The following LSAMP variants were observed in gnomAD, a reference collection of about 807,000 sequenced individuals.
LSAMP encodes limbic system-associated membrane protein.
A neutral mutation model predicts 38.6 loss-of-function variants in LSAMP; 7 were observed. The ratio of observed to expected loss-of-function variants is 0.18; its 90% CI spans 0.10 to 0.34. LSAMP has a LOEUF of 0.34. Ranked by LOEUF, LSAMP falls within the 10% of genes least tolerant of loss-of-function variation. The probability of loss-of-function intolerance (pLI) is 1.00; values close to 1 mark genes in which losing one functional copy is unlikely to be tolerated. For synonymous variants in LSAMP, 154 were observed against 166.8 expected (o/e 0.92, Z 0.59); for missense variants, 313 against 420.0 (o/e 0.75, Z 2.23).
chr3:115,889,160 G>A (rs1379393385), intron 3 of LSAMP, among the ~76,000 whole-genome samples: 3 of 151,978 alleles, frequency 2.0e-5, no homozygotes, highest in Non-Finnish European at 1.5e-5. Flanking sequence ...GGAATGGAAA[G>A]GTGAGCCTGA....
intron 3 of LSAMP, among the ~76,000 whole-genome samples, chr3:115,966,934 G>A (rs1938835666): frequency 6.6e-6 from 1 of 152,158 alleles, no homozygotes; most frequent in African/African-American, 2.4e-5. Flanking sequence ...CATCCTGAAG[G>A]AAGGGGAAGG....
intron 3 of LSAMP, among the ~76,000 whole-genome samples, chr3:115,877,583 G>C (rs1936214342): frequency 7.0e-6 from 1 of 142,740 alleles, no homozygotes; most frequent in South Asian, 2.3e-4. Flanking sequence ...CGGGCCCAGA[G>C]TGTAGTATTT....
chr3:115,831,478 T>C (rs1022220719), intron 6 of LSAMP, among the ~76,000 whole-genome samples: 1 of 152,170 alleles, frequency 6.6e-6, no homozygotes, highest in Non-Finnish European at 1.5e-5. Context: ...AACACTTCAT[T>C]CTGAACCTAC....
intron 1 of LSAMP, among the ~76,000 whole-genome samples, chr3:116,307,839 A>G (rs1426330334): frequency 6.6e-6 from 1 of 151,860 alleles, no homozygotes; most frequent in African/African-American, 2.4e-5. Context: ...TGTGATTAAG[A>G]GCAAAATTGC....
Position 116,100,083 on chromosome 3 carries a change from G to T in LSAMP, c.156-13527C>A, listed in dbSNP as rs111539147. 8.5e-3 allele frequency among the ~76,000 whole-genome samples: 971 copies of T among 114,332 alleles called. 11 individuals carry two copies. The highest frequency in any genetic ancestry group is 0.029 in the African/African-American group (885 of 30,584). The allele number at this position is 114,332 out of a possible 152,430, so 75.0% of individuals were successfully genotyped here. A position where few individuals can be genotyped will look rare whatever the true frequency, so the allele number is the denominator to read the frequency against. On this transcript the variant is annotated intron_variant, in intron 1 of 6. Transcript: ENST00000490035. The stretch of plus-strand genomic sequence containing the variant: ...TAGTATCCACAGAATTATTATTTTT[G>T]GGGGGGTGGGGGGTGGGGTACAGAG...
At chr3:116,279,734 GA>G (rs1255826311) in intron 1 of LSAMP, among the ~76,000 whole-genome samples, 1 of 152,028 alleles carries the variant, frequency 6.6e-6, no homozygotes, top group East Asian at 1.9e-4. Context: ...ATTGAATTTT[GA>G]AAATCTGTTT....
At chr3:115,933,464 G>T (rs1001035032) in intron 3 of LSAMP, among the ~76,000 whole-genome samples, 4 of 152,172 alleles carry the variant, frequency 2.6e-5, no homozygotes, top group African/African-American at 9.6e-5. Flanking sequence ...TGCTGGATGA[G>T]TAGAGGAAAA....
chr3:115,937,938 A>G (rs950833751), intron 3 of LSAMP, among the ~76,000 whole-genome samples: 2 of 152,166 alleles, frequency 1.3e-5, no homozygotes, highest in African/African-American at 4.8e-5. Flanking sequence ...AATTTAATTT[A>G]CTATTGTGTG....
At chr3:116,275,973 C>T (rs1246588612) in intron 1 of LSAMP, among the ~76,000 whole-genome samples, 1 of 152,136 alleles carries the variant, frequency 6.6e-6, no homozygotes, top group African/African-American at 2.4e-5. Flanking sequence ...AGTTTTTGAA[C>T]TATGTATAAT....
intron 3 of LSAMP, among the ~76,000 whole-genome samples, chr3:115,903,425 A>C (rs542251876): frequency 6.6e-6 from 1 of 152,148 alleles, no homozygotes; most frequent in African/African-American, 2.4e-5. Flanking sequence ...TAATCTGTAC[A>C]ACAAACCCCA....
At chr3:116,044,560 G>A (rs1941248198) in intron 2 of LSAMP, among the ~76,000 whole-genome samples, 1 of 151,448 alleles carries the variant, frequency 6.6e-6, no homozygotes, top group African/African-American at 2.4e-5. Flanking sequence ...GAAATGGGGA[G>A]TCTGACAGGT....
chr3:115,856,649 C>T (rs968509487), intron 3 of LSAMP, among the ~76,000 whole-genome samples: 2 of 151,370 alleles, frequency 1.3e-5, no homozygotes, highest in Admixed American at 1.3e-4. Flanking sequence ...AAAACAGAAA[C>T]TCCAGAGAGT....
At chr3:116,443,353 G>A (rs1281560938) in intron 1 of LSAMP, among the ~76,000 whole-genome samples, 4 of 152,130 alleles carry the variant, frequency 2.6e-5, no homozygotes, top group African/African-American at 9.7e-5. Context: ...AATCTGCTTT[G>A]GATAGTAGGA....
At chr3:116,071,226 G>A (rs1189724308) in intron 2 of LSAMP, among the ~76,000 whole-genome samples, 1 of 150,858 alleles carries the variant, frequency 6.6e-6, no homozygotes, top group African/African-American at 2.4e-5. Flanking sequence ...ATGATGGAGG[G>A]CTAAAGAAGA....
In LSAMP at chr3:116,020,229, G is replaced by A. The variant is rs1012501793; in HGVS notation, c.389-589C>T. ...CATGAAGTATCTTAGAACTTAAAAC[G>A]TGAATTAATAAGGCCTATCTCACAG... On this transcript the variant is annotated intron_variant, in intron 2 of 6. Transcript: ENST00000490035. Among the ~76,000 whole-genome samples the A allele has an allele frequency of 4.6e-5, 7 of 152,180 alleles. No homozygotes were observed. The South Asian group carries it at 1.0e-3, about 23-fold the overall frequency.
At chr3:116,183,441 A>T (rs1710536165) in intron 1 of LSAMP, among the ~76,000 whole-genome samples, 1 of 151,874 alleles carries the variant, frequency 6.6e-6, no homozygotes, top group African/African-American at 2.4e-5. Flanking sequence ...ATAAACACAT[A>T]CACAGGTATT....
At chr3:115,952,314 C>T (rs1938318146) in intron 3 of LSAMP, among the ~76,000 whole-genome samples, 1 of 152,070 alleles carries the variant, frequency 6.6e-6, no homozygotes, top group Non-Finnish European at 1.5e-5. Flanking sequence ...ATGGAACCAG[C>T]CTAAATGCCC....
At chr3:116,286,891 T>A (rs35531086) in intron 1 of LSAMP, among the ~76,000 whole-genome samples, 14,589 of 133,650 alleles carry the variant, frequency 0.11, 1,305 homozygotes, top group African/African-American at 0.25. Flanking sequence ...TCTCTCAAGT[T>A]AAAAAAAAAA....
intron 1 of LSAMP, among the ~76,000 whole-genome samples, chr3:116,340,020 G>A (rs897290434): frequency 3.3e-5 from 5 of 151,972 alleles, no homozygotes; most frequent in African/African-American, 9.7e-5. Context: ...AAAAGCTGAC[G>A]GGTAGAACAT....
Sources: gnomAD v4.1 joint callset for allele counts (sites outside exome capture counted in the v4.1 genomes callset) on GRCh38, gnomAD v4.1.1 for gene constraint, MANE v1.5 for transcripts, NCBI Gene and HGNC (gene_info 2026-07-23, HGNC 2026-07-21) for gene names.